The following ASPRV1 variants were observed in gnomAD, a reference collection of about 807,000 sequenced individuals.
ASPRV1 encodes retroviral-like aspartic protease 1.
In ASPRV1, 7 loss-of-function variants were observed where a neutral mutation model predicts 11.0. The observed-to-expected ratio is 0.64, with a 90% confidence interval of 0.36 to 1.20. The LOEUF (loss-of-function observed/expected upper bound fraction) is 1.20. ASPRV1 is among the 50% of genes most tolerant of loss of function. The pLI, the probability that ASPRV1 is intolerant of heterozygous loss-of-function variation, is 0.02. For missense variants in ASPRV1, 299 were observed against 320.0 expected (o/e 0.93, Z 0.50); for synonymous variants, 136 against 138.4 (o/e 0.98, Z 0.12).
At chr2:69,951,995 C>T in the ASPRV1 span, among the ~76,000 whole-genome samples, 3 of 152,152 alleles carry the variant, frequency 2.0e-5, no homozygotes, top group East Asian at 3.8e-4. Flanking sequence ...CACCCACTTG[C>T]CTTGCTCTGT....
At chr2:70,033,030 G>A in the ASPRV1 span, among the ~76,000 whole-genome samples, 1 of 152,000 alleles carries the variant, frequency 6.6e-6, no homozygotes, top group African/African-American at 2.4e-5. Flanking sequence ...CCCTGTCCTT[G>A]GGCATGTTTT....
chr2:70,027,585 G>C, the ASPRV1 span, among the ~76,000 whole-genome samples: 2 of 152,098 alleles, frequency 1.3e-5, no homozygotes, highest in South Asian at 4.1e-4. Flanking sequence ...GTCATTTGCA[G>C]TAACATGGAT....
chr2:70,044,485 G>T, the ASPRV1 span, among the ~76,000 whole-genome samples: 1 of 152,166 alleles, frequency 6.6e-6, no homozygotes, highest in Non-Finnish European at 1.5e-5. Flanking sequence ...CTGAGACAGA[G>T]TTCCACTCTT....
chr2:70,019,363 A>G, the ASPRV1 span, among the ~76,000 whole-genome samples: 1 of 152,228 alleles, frequency 6.6e-6, no homozygotes, highest in Non-Finnish European at 1.5e-5. Flanking sequence ...TGGTTCCTCA[A>G]AAATTTAAAA....
the ASPRV1 span, chr2:70,003,315 T>C: frequency 1.3e-5 from 2 of 152,372 alleles, no homozygotes; most frequent in East Asian, 1.9e-4. Context: ...AGCTTCCTCA[T>C]CTGTAAAATG....
chr2:70,048,924 TC>T, the ASPRV1 span: 1 of 152,194 alleles, frequency 6.6e-6, no homozygotes, highest in Non-Finnish European at 1.5e-5. Flanking sequence ...TCTGTGTCCC[TC>T]TCTTCTTATG....
At chr2:69,974,561 T>C in the ASPRV1 span, among the ~76,000 whole-genome samples, 5 of 152,228 alleles carry the variant, frequency 3.3e-5, no homozygotes, top group Non-Finnish European at 5.9e-5. Flanking sequence ...AGCCCAGCTC[T>C]TCCTTGAGCA....
chr2:69,950,844 AAAATAAATAAATAAATAAAT>A, the ASPRV1 span, among the ~76,000 whole-genome samples: 9 of 136,982 alleles, frequency 6.6e-5, no homozygotes, highest in African/African-American at 1.9e-4. Context: ...CTCTGTCTCA[AAAATAAATAAATAAATAAAT>A]AAATAAATAA....
At chr2:69,985,250 T>G in the ASPRV1 span, among the ~76,000 whole-genome samples, 7 of 151,972 alleles carry the variant, frequency 4.6e-5, no homozygotes, top group Non-Finnish European at 7.3e-5. Flanking sequence ...CTTTCCTTCC[T>G]TCCCTTTTTT....
At chr2:70,033,337 CTG>C in the ASPRV1 span, among the ~76,000 whole-genome samples, 1 of 151,146 alleles carries the variant, frequency 6.6e-6, no homozygotes, top group South Asian at 2.1e-4. Context: ...ACTCAAAACA[CTG>C]TGTGCCCATC....
At chr2:69,977,478 A>G in the ASPRV1 span, among the ~76,000 whole-genome samples, 1 of 152,186 alleles carries the variant, frequency 6.6e-6, no homozygotes, top group African/African-American at 2.4e-5. Flanking sequence ...GAAAGGCAGG[A>G]ACCTCATGTT....
the ASPRV1 span, chr2:70,011,714 G>C: frequency 6.6e-6 from 1 of 152,436 alleles, no homozygotes; most frequent in African/African-American, 2.4e-5. Context: ...GCCCGGGACA[G>C]ACATCTGGAT....
chr2:69,980,736 C>G, the ASPRV1 span, among the ~76,000 whole-genome samples: 1 of 151,918 alleles, frequency 6.6e-6, no homozygotes, highest in East Asian at 1.9e-4. Context: ...TCTCTACTAT[C>G]TTTTCAACTT....
the ASPRV1 span, chr2:69,939,568 CTT>C: frequency 1.3e-5 from 2 of 152,584 alleles, no homozygotes; most frequent in South Asian, 2.1e-4. Flanking sequence ...ATTCTTATGA[CTT>C]TGTGGTTTTA....
chr2:70,050,924 C>T, the ASPRV1 span: 1 of 151,238 alleles, frequency 6.6e-6, no homozygotes, highest in Non-Finnish European at 1.5e-5. Context: ...GCCTAGACAA[C>T]AAACCAAGAC....
chr2:69,986,423 T>TG, the ASPRV1 span, among the ~76,000 whole-genome samples: 32 of 152,234 alleles, frequency 2.1e-4, no homozygotes, highest in Non-Finnish European at 4.3e-4. Flanking sequence ...AATCTGCTCA[T>TG]GAGGGGCTGC....
chr2:70,025,501 GT>G, the ASPRV1 span, among the ~76,000 whole-genome samples: 1 of 152,196 alleles, frequency 6.6e-6, no homozygotes, highest in Non-Finnish European at 1.5e-5. Context: ...CTGTGGTCAA[GT>G]TCTGATGTCT....
the ASPRV1 span, among the ~76,000 whole-genome samples, chr2:70,063,232 A>G: frequency 6.6e-6 from 1 of 151,896 alleles, no homozygotes; most frequent in African/African-American, 2.4e-5. Context: ...TACTTGGCAC[A>G]TGAGTGCCCC....
chr2:69,974,092 C>G, the ASPRV1 span, among the ~76,000 whole-genome samples: 28 of 151,958 alleles, frequency 1.8e-4, no homozygotes, highest in Non-Finnish European at 3.4e-4. Flanking sequence ...AATCCCAACA[C>G]TTTGGGAGAC....
Sources: allele counts gnomAD v4.1 joint callset (sites outside exome capture counted in the v4.1 genomes callset), GRCh38; gene constraint gnomAD v4.1.1; transcripts MANE v1.5; gene names NCBI Gene and HGNC (gene_info 2026-07-23, HGNC 2026-07-21).